C1orf21: variants seen among roughly 807,000 people sequenced by gnomAD.
The protein encoded by C1orf21 is uncharacterized protein C1orf21.
Under a neutral mutation model 18.7 loss-of-function variants are expected in C1orf21, and 3 were observed. The ratio of observed to expected loss-of-function variants is 0.16; its 90% CI spans 0.07 to 0.42. The LOEUF is 0.42. C1orf21 is among the 10% of genes least tolerant of loss of function. The pLI is 0.99. For missense variants in C1orf21, 104 were observed against 143.6 expected, an observed-to-expected ratio of 0.72 and a Z score of 1.41; for synonymous variants, 41 against 46.4, an observed-to-expected ratio of 0.88 and a Z score of 0.47.
chr1:184,469,212 T>A (rs1464379327), intron 1 of C1orf21, among the ~76,000 whole-genome samples: 1 of 152,210 alleles, frequency 6.6e-6, no homozygotes, highest in African/African-American at 2.4e-5. Context: ...GTCGCGCCAC[T>A]GCACTCCAGT....
intron 5 of C1orf21, among the ~76,000 whole-genome samples, chr1:184,603,491 T>C (rs1023543366): frequency 1.3e-5 from 2 of 152,234 alleles, no homozygotes; most frequent in Non-Finnish European, 2.9e-5. Context: ...TTAAATCAGC[T>C]GATTTTAAAA....
chr1:184,617,150 T>A (rs56691746), intron 5 of C1orf21, among the ~76,000 whole-genome samples: 9,774 of 152,242 alleles, frequency 0.064, 441 homozygotes, highest in African/African-American at 0.12. Context: ...GACACTATAT[T>A]TTTTTCCATT....
At chr1:184,527,395 T>G (rs1045361185) in intron 3 of C1orf21, among the ~76,000 whole-genome samples, 3 of 152,162 alleles carry the variant, frequency 2.0e-5, no homozygotes, top group Non-Finnish European at 4.4e-5. Flanking sequence ...TATTACACAC[T>G]GACTTATAAG....
At chr1:184,449,147 C>A (rs552624571) in intron 1 of C1orf21, among the ~76,000 whole-genome samples, 113 of 151,860 alleles carry the variant, frequency 7.4e-4, no homozygotes, top group Non-Finnish European at 1.4e-3. Flanking sequence ...TGTGCTGCAC[C>A]CATTAACTCG....
At chr1:184,524,443 T>C (rs949022031) in intron 3 of C1orf21, among the ~76,000 whole-genome samples, 7 of 152,162 alleles carry the variant, frequency 4.6e-5, no homozygotes, top group Non-Finnish European at 8.8e-5. Flanking sequence ...TCCTTTATTA[T>C]GTTGCATTTG....
intron 3 of C1orf21, among the ~76,000 whole-genome samples, chr1:184,577,459 T>G (rs1378050360): frequency 1.3e-5 from 2 of 152,152 alleles, no homozygotes; most frequent in African/African-American, 4.8e-5. Flanking sequence ...GAATGTGTGT[T>G]AATTTGTTAA....
At chr1:184,457,304 T>C (rs1445490945) in intron 1 of C1orf21, among the ~76,000 whole-genome samples, 1 of 152,158 alleles carries the variant, frequency 6.6e-6, no homozygotes, top group Non-Finnish European at 1.5e-5. Flanking sequence ...GTTACCTGCT[T>C]TCAAGGGGTT....
intron 1 of C1orf21, among the ~76,000 whole-genome samples, chr1:184,395,100 A>G (rs1433079212): frequency 3.3e-5 from 5 of 152,152 alleles, no homozygotes; most frequent in African/African-American, 9.7e-5. Context: ...TTTTTCTGCT[A>G]TAAGAGTGGT....
chr1:184,414,253 C>T (rs948919742), intron 1 of C1orf21, among the ~76,000 whole-genome samples: 4 of 152,116 alleles, frequency 2.6e-5, no homozygotes, highest in Non-Finnish European at 4.4e-5. Context: ...TCTTCAGCCT[C>T]CCAAGTAGCT....
At chr1:184,432,930 C>T (rs1246596166) in intron 1 of C1orf21, among the ~76,000 whole-genome samples, 1 of 152,176 alleles carries the variant, frequency 6.6e-6, no homozygotes, top group African/African-American at 2.4e-5. Context: ...CCAGAATCTT[C>T]ATTTTTAAAA....
chr1:184,611,787 C>T (rs1225715797), intron 5 of C1orf21, among the ~76,000 whole-genome samples: 1 of 152,046 alleles, frequency 6.6e-6, no homozygotes, highest in East Asian at 1.9e-4. Context: ...AGGATAAAGG[C>T]TGTCAAGGAA....
At chr1:184,575,800 A>T (rs1262285642) in intron 3 of C1orf21, among the ~76,000 whole-genome samples, 3 of 151,556 alleles carry the variant, frequency 2.0e-5, no homozygotes, top group Non-Finnish European at 2.9e-5. Flanking sequence ...CTGCTAAGAG[A>T]CCCCCCAACC....
intron 1 of C1orf21, among the ~76,000 whole-genome samples, chr1:184,427,666 A>C (rs1030082359): frequency 6.6e-6 from 1 of 152,114 alleles, no homozygotes; most frequent in African/African-American, 2.4e-5. Flanking sequence ...AGCAATAGGA[A>C]ACTCCACTTC....
chr1:184,475,577 C>A (rs2101989796), intron 1 of C1orf21, among the ~76,000 whole-genome samples: 1 of 152,244 alleles, frequency 6.6e-6, no homozygotes, highest in East Asian at 1.9e-4. Context: ...TCCTGTGAAA[C>A]CACAATCAGA....
intron 2 of C1orf21, among the ~76,000 whole-genome samples, chr1:184,499,929 G>C (rs1174547061): frequency 6.6e-6 from 1 of 152,162 alleles, no homozygotes; most frequent in East Asian, 1.9e-4. Flanking sequence ...GTAATTGAGA[G>C]GATTTAGCTG....
intron 5 of C1orf21, among the ~76,000 whole-genome samples, chr1:184,617,044 A>T (rs1266283604): frequency 6.6e-6 from 1 of 152,096 alleles, no homozygotes; most frequent in African/African-American, 2.4e-5. Flanking sequence ...TGCCAGGGGG[A>T]CTGAACAAAC....
rs1660031952 is a variant in C1orf21, at chr1:184,627,346, G to A, written c.*7790G>A. ...TAATTAGAAAAATGTTTAGGAGAAA[G>A]GAAAAGAATTAGATGCATCAGAATA... On this transcript the variant is annotated 3_prime_UTR_variant, in exon 6 of 6. Transcript: ENST00000235307. The A allele has an allele frequency of 6.6e-6, 1 of 152,068 alleles. No homozygotes were observed. Among genetic ancestry groups the A allele is most frequent in the African/African-American group, 2.4e-5 (1 of 41,396 alleles). The allele number at this position is 152,068 out of a possible 1,614,324, so 9.4% of individuals were successfully genotyped here. A position where few individuals can be genotyped will look rare whatever the true frequency, so the allele number is the denominator to read the frequency against.
chr1:184,487,514 A>G (rs1461718535), intron 2 of C1orf21, among the ~76,000 whole-genome samples: 1 of 152,222 alleles, frequency 6.6e-6, no homozygotes, highest in Non-Finnish European at 1.5e-5. Flanking sequence ...TGCTGACTCG[A>G]CTAAGGGAGA....
intron 1 of C1orf21, among the ~76,000 whole-genome samples, chr1:184,388,936 C>G (rs1271657513): frequency 1.3e-5 from 2 of 151,982 alleles, no homozygotes; most frequent in Non-Finnish European, 2.9e-5. Context: ...ATTGTAGGAT[C>G]AATAGAACAT....
Sources: gnomAD v4.1 joint callset for allele counts (sites outside exome capture counted in the v4.1 genomes callset) on GRCh38, gnomAD v4.1.1 for gene constraint, MANE v1.5 for transcripts, NCBI Gene and HGNC (gene_info 2026-07-23, HGNC 2026-07-21) for gene names.